STIM1: variants seen among roughly 807,000 people sequenced by gnomAD.
STIM1 encodes stromal interaction molecule 1.
Under a neutral mutation model 74.7 loss-of-function variants are expected in STIM1, and 25 were observed. The ratio of observed to expected loss-of-function variants is 0.33; its 90% CI spans 0.24 to 0.47. STIM1 has a LOEUF of 0.47. Ranked by LOEUF, STIM1 falls within the 20% of genes least tolerant of loss-of-function variation. STIM1 has a pLI of 1.00. For synonymous variants in STIM1, 328 were observed against 348.8 expected (o/e 0.94, Z 0.66); for missense variants, 728 against 920.8 (o/e 0.79, Z 2.71).
At chr11:4,084,018 C>T (rs931255964) in intron 10 of STIM1, among the ~76,000 whole-genome samples, 4 of 152,294 alleles carry the variant, frequency 2.6e-5, no homozygotes, top group African/African-American at 7.2e-5. Flanking sequence ...GGAGGGATCT[C>T]CTGCACAAGC....
intron 2 of STIM1, among the ~76,000 whole-genome samples, chr11:4,019,623 C>G (rs1247300149): frequency 6.6e-6 from 1 of 151,938 alleles, no homozygotes; most frequent in East Asian, 1.9e-4. Context: ...GACACTGTCT[C>G]AAAAACAACA....
chr11:4,061,431 G>A (rs544838858), intron 5 of STIM1, among the ~76,000 whole-genome samples: 14 of 152,320 alleles, frequency 9.2e-5, no homozygotes, highest in African/African-American at 3.4e-4. Flanking sequence ...AGGTACTGAA[G>A]CTAAGAATAT....
In STIM1 at chr11:3,870,486, C is replaced by G. The variant is rs531875719; in HGVS notation, c.139+14077C>G. Among the ~76,000 whole-genome samples the G allele has an allele frequency of 4.8e-4, 73 of 152,218 alleles. 1 individual carries two copies. In the South Asian group the frequency reaches 0.015, roughly 30 times the overall value. On this transcript the variant is annotated intron_variant, in intron 1 of 12. Transcript: ENST00000526596. ...GGAAGTAAATATGCTTTCTATAATACTCTTTTTACTTTTTTTTGGTTTTGT... is the reference window on the plus strand; with the variant it reads ...GGAAGTAAATATGCTTTCTATAATAGTCTTTTTACTTTTTTTTGGTTTTGT...
chr11:3,976,227 T>C (rs1316123697), intron 2 of STIM1, among the ~76,000 whole-genome samples: 1 of 152,160 alleles, frequency 6.6e-6, no homozygotes, highest in Non-Finnish European at 1.5e-5. Flanking sequence ...GAACTACTAA[T>C]ATACACAACA....
Position 4,082,862 on chromosome 11 carries a change from T to A in STIM1, c.1138-20T>A, listed in dbSNP as rs757306058. On this transcript the variant is annotated intron_variant, in intron 8 of 12. Transcript: ENST00000526596. ...TCTCGAATCCCTGCTCTTTTTGAGC[T>A]GGGGGCCTCATCTTTGCAGGCTGAG... The A allele has an allele frequency of 1.2e-6, 2 of 1,606,038 alleles. No homozygotes were observed. Among genetic ancestry groups the A allele is most frequent in the Non-Finnish European group, 1.7e-6 (2 of 1,172,676 alleles).
chr11:3,989,594 T>C, intron 2 of STIM1: 1 of 441,012 alleles, frequency 2.3e-6, no homozygotes, highest in South Asian at 2.0e-5. Context: ...GAAGGGGCGG[T>C]GGGAGAACCC....
intron 5 of STIM1, among the ~76,000 whole-genome samples, chr11:4,063,880 G>A (rs2094348630): frequency 6.6e-6 from 1 of 152,090 alleles, no homozygotes; most frequent in Admixed American, 6.5e-5. Flanking sequence ...TATGATTTTT[G>A]GGAGGAACTT....
intron 2 of STIM1, among the ~76,000 whole-genome samples, chr11:4,013,690 C>CTTTTTTTTTTTTTGTTTTT (rs2093864194): frequency 1.9e-5 from 1 of 51,912 alleles, no homozygotes; most frequent in Non-Finnish European, 3.2e-5. Flanking sequence ...TCATTGATTT[C>CTTTTTTTTTTTTTGTTTTT]TTTTTTTTTT....
intron 1 of STIM1, among the ~76,000 whole-genome samples, chr11:3,932,666 G>GAAAA (rs57059104): frequency 1.1e-3 from 92 of 86,828 alleles, no homozygotes; most frequent in South Asian, 1.8e-3. Flanking sequence ...TGTCTCAAAG[G>GAAAA]AAAAAAAAAA....
chr11:4,039,679 A>G (rs945572775), intron 3 of STIM1, among the ~76,000 whole-genome samples: 4 of 152,080 alleles, frequency 2.6e-5, no homozygotes, highest in Admixed American at 1.3e-4. Context: ...ATTGAAATTA[A>G]ATGTCCATCT....
At chr11:4,069,444 C>G (rs1418995327) in intron 5 of STIM1, among the ~76,000 whole-genome samples, 1 of 152,092 alleles carries the variant, frequency 6.6e-6, no homozygotes, top group Non-Finnish European at 1.5e-5. Context: ...GTTCTAGAGT[C>G]TCTGGATTTC....
intron 2 of STIM1, among the ~76,000 whole-genome samples, chr11:3,996,293 C>T (rs1338821165): frequency 1.3e-5 from 2 of 152,108 alleles, no homozygotes; most frequent in Non-Finnish European, 2.9e-5. Flanking sequence ...AGCCTCAGGT[C>T]TTTTTGGTTT....
Position 4,092,943 on chromosome 11 carries a change from CCCCACCCTT to C in STIM1, c.*1154_*1162del. On this transcript the variant is annotated 3_prime_UTR_variant, in exon 13 of 13. Transcript: ENST00000526596. ...TGAAGGCGGCTGTGTGACCACTTTC[CCCCACCCTT>C]CCCACCCTCTAGACAACTCTCTCCC... 6.6e-6 allele frequency: 1 copy of C among 151,934 alleles called. No homozygotes were observed. The allele number at this position is 151,934 out of a possible 1,614,324, so 9.4% of individuals were successfully genotyped here.
intron 1 of STIM1, among the ~76,000 whole-genome samples, chr11:3,894,084 A>G (rs927915555): frequency 3.3e-5 from 5 of 152,052 alleles, no homozygotes; most frequent in African/African-American, 9.7e-5. Context: ...AATTTGAACT[A>G]TATTTGAAAA....
chr11:3,929,929 C>T (rs2092837292), intron 1 of STIM1, among the ~76,000 whole-genome samples: 1 of 152,156 alleles, frequency 6.6e-6, no homozygotes, highest in Non-Finnish European at 1.5e-5. Context: ...CTTCCCCCAC[C>T]TTTCTACTTC....
chr11:4,040,485 C>A (rs146350694), intron 3 of STIM1, among the ~76,000 whole-genome samples: 1,912 of 152,336 alleles, frequency 0.013, 21 homozygotes, highest in Admixed American at 0.023. Flanking sequence ...AAACCACAGG[C>A]TAAGTTAGGT....
intron 1 of STIM1, among the ~76,000 whole-genome samples, chr11:3,940,410 G>C (rs536409185): frequency 6.6e-6 from 1 of 152,212 alleles, no homozygotes; most frequent in African/African-American, 2.4e-5. Context: ...ATAAGGGGCT[G>C]AGAAGGTATA....
In STIM1 at chr11:4,008,570, A is replaced by G. The variant is rs150866414; in HGVS notation, c.271-15303A>G. Among the ~76,000 whole-genome samples the G allele has an allele frequency of 3.8e-3, 584 of 152,376 alleles. 2 individuals are homozygous for G. The highest frequency in any genetic ancestry group is 5.5e-3 in the Non-Finnish European group (377 of 68,040). On this transcript the variant is annotated intron_variant, in intron 2 of 12. Transcript: ENST00000526596. Reference sequence around the variant, plus strand: ...AAAACAAGTAAGATAATTATTTATAATTATTTACCTACTTATTTCAGTTTA... The same window carrying G: ...AAAACAAGTAAGATAATTATTTATAGTTATTTACCTACTTATTTCAGTTTA...
chr11:3,998,769 T>G (rs2093684974), intron 2 of STIM1, among the ~76,000 whole-genome samples: 1 of 152,018 alleles, frequency 6.6e-6, no homozygotes, highest in Admixed American at 6.6e-5. Context: ...CAGAAGGCAG[T>G]GACTTTTTAT....
Sources: gnomAD v4.1 joint callset for allele counts (sites outside exome capture counted in the v4.1 genomes callset) on GRCh38, gnomAD v4.1.1 for gene constraint, MANE v1.5 for transcripts, NCBI Gene and HGNC (gene_info 2026-07-23, HGNC 2026-07-21) for gene names.